MYOM1: variants seen among roughly 807,000 people sequenced by gnomAD.
MYOM1 encodes myomesin-1.
In MYOM1, 164 loss-of-function variants were observed where a neutral mutation model predicts 205.3. The observed-to-expected ratio is 0.80, with a 90% CI of 0.70 to 0.91. MYOM1 has a LOEUF of 0.91. Ranked by LOEUF, MYOM1 falls within the 40% of genes least tolerant of loss-of-function variation. The pLI is 0.00. For synonymous variants in MYOM1, 772 were observed against 789.4 expected (o/e 0.98, Z 0.37); for missense variants, 2,011 against 2,127.3 (o/e 0.95, Z 1.08).
the MYOM1 span, among the ~76,000 whole-genome samples, chr18:3,237,593 C>T: frequency 5.0e-4 from 62 of 125,172 alleles, 1 homozygote; most frequent in African/African-American, 1.5e-3. Context: ...TGCAAGACTC[C>T]GTCTCAAAAA....
intron 22 of MYOM1, among the ~76,000 whole-genome samples, chr18:3,109,657 C>T (rs955986398): frequency 5.3e-5 from 8 of 152,154 alleles, no homozygotes; most frequent in African/African-American, 9.7e-5. Context: ...GAGTTGTTGT[C>T]GTTGTTGCCT....
chr18:3,233,719 T>C, the MYOM1 span, among the ~76,000 whole-genome samples: 30 of 152,300 alleles, frequency 2.0e-4, 1 homozygote, highest in African/African-American at 7.0e-4. Flanking sequence ...TACCATTCCT[T>C]CTCCAGAGGA....
At chr18:3,075,401 T>C in intron 36 of MYOM1, 53 bp downstream of exon 36, 1 of 1,540,096 alleles carries the variant, frequency 6.5e-7, no homozygotes. Context: ...TAAAATTATC[T>C]TTTGAATCTA....
intron 13 of MYOM1, among the ~76,000 whole-genome samples, chr18:3,143,746 C>T (rs2080083583): frequency 6.6e-6 from 1 of 151,362 alleles, no homozygotes; most frequent in Non-Finnish European, 1.5e-5. Context: ...ACAAAAAATA[C>T]AAAAATTAGC....
the MYOM1 span, among the ~76,000 whole-genome samples, chr18:3,237,658 C>A: frequency 6.8e-6 from 1 of 147,824 alleles, no homozygotes; most frequent in Non-Finnish European, 1.5e-5. Flanking sequence ...CATCGGTGAA[C>A]CTCAAGAACA....
At position 3,066,948 on chromosome 18, in the gene MYOM1, C is replaced by T. The variant is rs1307331737; in HGVS notation, c.*314G>A. ...TTCACAGCTGCAGCAAATCCCAATT[C>T]GCCCCACGACACATTCGTCTGCCCT... On this transcript the variant is annotated 3_prime_UTR_variant, in exon 38 of 38. Transcript: ENST00000356443. 5 of 303,878 alleles carry T rather than the reference C, an allele frequency of 1.6e-5. No individual in the cohort carries two copies. The East Asian group carries it at 2.1e-4, about 13-fold the overall frequency. The allele number at this position is 303,878 out of a possible 1,614,324, so 18.8% of individuals were successfully genotyped here.
chr18:3,087,595 T>C (rs1026690684), intron 29 of MYOM1, among the ~76,000 whole-genome samples: 2 of 151,504 alleles, frequency 1.3e-5, no homozygotes, highest in African/African-American at 4.9e-5. Flanking sequence ...GTTCAAGTGA[T>C]TCTCCTGCCT....
chr18:3,094,072 C>A, intron 26 of MYOM1, 98 bp downstream of exon 26: 1 of 1,267,708 alleles, frequency 7.9e-7, no homozygotes, highest in Non-Finnish European at 1.1e-6. Context: ...CACTCCACCA[C>A]CCAGCGGTTT....
At chr18:3,205,570 A>T (rs953492789) in intron 2 of MYOM1, among the ~76,000 whole-genome samples, 2 of 152,172 alleles carry the variant, frequency 1.3e-5, no homozygotes, top group Non-Finnish European at 2.9e-5. Flanking sequence ...AAAACAATAA[A>T]TGTTGACAAG....
chr18:3,177,622 C>T (rs980247003), intron 5 of MYOM1, among the ~76,000 whole-genome samples: 1 of 152,096 alleles, frequency 6.6e-6, no homozygotes, highest in Non-Finnish European at 1.5e-5. Context: ...CAGGCACCGG[C>T]CACTACGCCT....
At chr18:3,098,217 GTTCATGGA>G (rs1443159427) in intron 25 of MYOM1, among the ~76,000 whole-genome samples, 1 of 152,114 alleles carries the variant, frequency 6.6e-6, no homozygotes, top group Non-Finnish European at 1.5e-5. Flanking sequence ...TTCCTGAATA[GTTCATGGA>G]TTCATCAATA....
intron 16 of MYOM1, 99 bp from the exon 17 acceptor site, chr18:3,131,595 C>A (rs2079876810): frequency 1.1e-6 from 1 of 922,404 alleles, no homozygotes; most frequent in Non-Finnish European, 1.5e-6. Context: ...GAAAACAATT[C>A]TTTTTTTTTT....
chr18:3,149,998 AGAGT>A (rs1299420436), intron 12 of MYOM1, among the ~76,000 whole-genome samples: 1 of 152,212 alleles, frequency 6.6e-6, no homozygotes, highest in East Asian at 1.9e-4. Flanking sequence ...GGGTTGGTGA[AGAGT>A]GACTGAAGAG....
chr18:3,090,951 G>T, intron 26 of MYOM1, 149 bp from the exon 27 acceptor site: 1 of 967,834 alleles, frequency 1.0e-6, no homozygotes, highest in Non-Finnish European at 1.5e-6. Flanking sequence ...GGAGGTCGAG[G>T]TGGGAGGATT....
At chr18:3,118,509 A>AT (rs11480620) in intron 20 of MYOM1, among the ~76,000 whole-genome samples, 35,809 of 151,696 alleles carry the variant, frequency 0.24, 4,695 homozygotes, top group Admixed American at 0.32. Context: ...ATTAAAAAAC[A>AT]TTTTTTAAGA....
At chr18:3,129,579 T>C (rs1486093417) in intron 17 of MYOM1, 60 bp from the exon 18 acceptor site, 2 of 1,522,308 alleles carry the variant, frequency 1.3e-6, no homozygotes, top group East Asian at 2.3e-5. Context: ...CAGCTGCTCT[T>C]ATAGGATAGA....
At chr18:3,083,421 CTTTTTCT>C (rs1567895982) in intron 33 of MYOM1, among the ~76,000 whole-genome samples, 3,922 of 94,020 alleles carry the variant, frequency 0.042, 192 homozygotes, top group African/African-American at 0.13. Flanking sequence ...TTTTCTTTTT[CTTTTTCT>C]TTTTTTTTTT....
intron 28 of MYOM1, 114 bp from the exon 29 acceptor site, chr18:3,089,355 G>T (rs2079193182): frequency 4.4e-6 from 4 of 908,076 alleles, no homozygotes; most frequent in Non-Finnish European, 6.6e-6. Context: ...TAAAATTCTA[G>T]ATTTAGCTTT....
chr18:3,166,234 T>C (rs1353139358), intron 9 of MYOM1, among the ~76,000 whole-genome samples: 2 of 151,874 alleles, frequency 1.3e-5, no homozygotes, highest in African/African-American at 4.8e-5. Context: ...AGGAGCTATA[T>C]TTCAGTCTGA....
Sources: allele counts gnomAD v4.1 joint callset (sites outside exome capture counted in the v4.1 genomes callset), GRCh38; gene constraint gnomAD v4.1.1; transcripts MANE v1.5; gene names NCBI Gene and HGNC (gene_info 2026-07-23, HGNC 2026-07-21).